MEIS1: variants seen among roughly 807,000 people sequenced by gnomAD.
The protein encoded by MEIS1 is Meis homeobox 1.
A neutral mutation model predicts 50.8 loss-of-function variants in MEIS1; 5 were observed. That is an observed-to-expected ratio of 0.10 (90% CI 0.05 to 0.21). MEIS1 has a LOEUF of 0.21. Among genes scored for constraint, MEIS1 ranks in the 10% least tolerant of loss-of-function variants. MEIS1 has a pLI of 1.00. For missense variants in MEIS1, 318 were observed against 517.3 expected, an observed-to-expected ratio of 0.61 and a Z score of 3.74; for synonymous variants, 176 against 179.3, an observed-to-expected ratio of 0.98 and a Z score of 0.15.
chr2:66,440,557 T>C lies in MEIS1; in HGVS notation c.382-5T>C. The C allele has an allele frequency of 1.2e-6, 2 of 1,612,230 alleles. No homozygotes were observed. The highest frequency in any genetic ancestry group is 1.7e-6 in the Non-Finnish European group (2 of 1,178,846). On this transcript the variant is annotated splice_polypyrimidine_tract_variant and splice_region_variant and intron_variant, in intron 3 of 12. Coordinates refer to ENST00000272369, the MANE Select transcript of MEIS1 (RefSeq NM_002398.3). ...CTCTCCCCTCTCCTTCTCACTTGTA[T>C]TTAGATTCGCGCAGAAAAACCTCTA... is the stretch of plus-strand genomic sequence containing the variant.
intron 7 of MEIS1, among the ~76,000 whole-genome samples, chr2:66,481,252 T>G (rs1673008538): frequency 6.6e-6 from 1 of 152,214 alleles, no homozygotes; most frequent in South Asian, 2.1e-4. Context: ...TTGTTTGTGG[T>G]TGGCTCTCTA....
intron 2 of MEIS1, among the ~76,000 whole-genome samples, 196 bp downstream of exon 2, chr2:66,438,159 ACATCCAGTGCCC>A (rs1423123122): frequency 3.3e-5 from 5 of 152,182 alleles, no homozygotes; most frequent in African/African-American, 1.2e-4. Context: ...CACTCTGTGC[ACATCCAGTGCCC>A]TGCTCCACCA....
chr2:66,535,834 A>G (rs1674504686), intron 8 of MEIS1, among the ~76,000 whole-genome samples: 1 of 152,190 alleles, frequency 6.6e-6, no homozygotes, highest in African/African-American at 2.4e-5. Context: ...TTGCAAGATA[A>G]GAGTTTTGTT....
At position 66,473,395 on chromosome 2, in the gene MEIS1, A is replaced by T. The variant is rs866569320; in HGVS notation, c.742+9175A>T. On this transcript the variant is annotated intron_variant, in intron 7 of 12. Transcript: ENST00000272369. ...CTCCATGTCAAAAAAAAAAAAAAAA[A>T]AAATATATATATATATATATATAGT... Among the ~76,000 whole-genome samples, 39 of 115,152 alleles carry T rather than the reference A, an allele frequency of 3.4e-4. 1 individual carries two copies. The highest frequency in any genetic ancestry group is 4.0e-3 in the Middle Eastern group (1 of 252). The allele number at this position is 115,152 out of a possible 152,430, so 75.5% of individuals were successfully genotyped here. A position where few individuals can be genotyped will look rare whatever the true frequency, so the allele number is the denominator to read the frequency against.
At chr2:66,558,279 C>CAAAAAAAAAAAAAAAAAAAAAAA (rs59017279) in intron 9 of MEIS1, among the ~76,000 whole-genome samples, 11 of 57,084 alleles carry the variant, frequency 1.9e-4, no homozygotes, top group East Asian at 5.7e-4. Flanking sequence ...AACTCCATCT[C>CAAAAAAAAAAAAAAAAAAAAAAA]AAAAAAAAAA....
chr2:66,483,718 C>T (rs1270938467), intron 7 of MEIS1, among the ~76,000 whole-genome samples: 3 of 152,176 alleles, frequency 2.0e-5, no homozygotes, highest in Non-Finnish European at 4.4e-5. Context: ...TCCTTCTATA[C>T]CACACATTAA....
At chr2:66,544,867 C>T (rs538224885) in intron 8 of MEIS1, among the ~76,000 whole-genome samples, 1 of 152,212 alleles carries the variant, frequency 6.6e-6, no homozygotes, top group South Asian at 2.1e-4. Flanking sequence ...GAAGAAACAA[C>T]TGAAATTTGC....
chr2:66,558,298 A>AG (rs1454830733), intron 9 of MEIS1, among the ~76,000 whole-genome samples: 2 of 145,870 alleles, frequency 1.4e-5, no homozygotes, highest in African/African-American at 2.5e-5. Context: ...AAAAAAAAAA[A>AG]AAAAAAGAAA....
At chr2:66,479,921 A>G (rs1331889873) in intron 7 of MEIS1, among the ~76,000 whole-genome samples, 1 of 151,998 alleles carries the variant, frequency 6.6e-6, no homozygotes. Flanking sequence ...GCTTTGGCTC[A>G]ATGCCACTGA....
chr2:66,565,951 T>G (rs1484077620), intron 9 of MEIS1, among the ~76,000 whole-genome samples: 1 of 152,220 alleles, frequency 6.6e-6, no homozygotes, highest in Non-Finnish European at 1.5e-5. Flanking sequence ...ACATGGTGTT[T>G]GTGCTACACC....
Position 66,572,019 on chromosome 2 carries a change from CT to C in MEIS1, c.*815del. The C allele has an allele frequency of 6.3e-6, 1 of 159,950 alleles. No individual in the cohort carries two copies. The allele number at this position is 159,950 out of a possible 1,614,324, so 9.9% of individuals were successfully genotyped here. ...GCGCGCGCTCTCTCTCTTTCTCTCTCTTTTCCTCTCTCTCCCTCTTTCTAGC... is the reference window on the plus strand; with the variant it reads ...GCGCGCGCTCTCTCTCTTTCTCTCTCTTTCCTCTCTCTCCCTCTTTCTAGC... On this transcript the variant is annotated 3_prime_UTR_variant, in exon 13 of 13. Coordinates refer to ENST00000272369, the MANE Select transcript of MEIS1 (RefSeq NM_002398.3).
intron 6 of MEIS1, among the ~76,000 whole-genome samples, chr2:66,449,998 T>A (rs1225506251): frequency 2.6e-5 from 4 of 152,152 alleles, no homozygotes; most frequent in Non-Finnish European, 5.9e-5. Flanking sequence ...TACAATCAAA[T>A]ACAAATTACA....
intron 8 of MEIS1, among the ~76,000 whole-genome samples, chr2:66,517,381 G>A (rs1673995700): frequency 6.6e-6 from 1 of 152,154 alleles, no homozygotes; most frequent in African/African-American, 2.4e-5. Context: ...ATTAAATTAA[G>A]AGCCTTGAAA....
At chr2:66,497,540 T>C (rs1299122651) in intron 7 of MEIS1, among the ~76,000 whole-genome samples, 1 of 152,200 alleles carries the variant, frequency 6.6e-6, no homozygotes, top group Non-Finnish European at 1.5e-5. Context: ...ATCTGAAAGA[T>C]ACTTTCTTAA....
chr2:66,469,973 G>A (rs1314681472), intron 7 of MEIS1, among the ~76,000 whole-genome samples: 1 of 151,424 alleles, frequency 6.6e-6, no homozygotes, highest in Non-Finnish European at 1.5e-5. Flanking sequence ...TTTTACAAAC[G>A]AAATGATAAC....
At chr2:66,497,088 C>T (rs1383447148) in intron 7 of MEIS1, among the ~76,000 whole-genome samples, 2 of 152,172 alleles carry the variant, frequency 1.3e-5, no homozygotes, top group Non-Finnish European at 2.9e-5. Context: ...ATGGGTCAGA[C>T]ATGTGCTGGC....
intron 9 of MEIS1, among the ~76,000 whole-genome samples, chr2:66,563,775 TG>T (rs1270894749): frequency 6.6e-6 from 1 of 152,082 alleles, no homozygotes. Flanking sequence ...AGAAGGAAAA[TG>T]TTTTTGTATC....
chr2:66,571,923 G>C lies in MEIS1; in HGVS notation c.*715G>C, dbSNP rs1215791471. On this transcript the variant is annotated 3_prime_UTR_variant, in exon 13 of 13. Transcript: ENST00000272369. ...TGCAAGGGACAGGAAGGTCTGATTT[G>C]CAGGATTTTTAGAGCATTAAAATAA... 1.2e-5 allele frequency: 2 copies of C among 173,000 alleles called. No homozygotes were observed. The highest frequency in any genetic ancestry group is 2.4e-5 in the African/African-American group (1 of 41,658). The allele number at this position is 173,000 out of a possible 1,614,324, so 10.7% of individuals were successfully genotyped here.
At chr2:66,477,165 G>A (rs889202287) in intron 7 of MEIS1, among the ~76,000 whole-genome samples, 1 of 152,156 alleles carries the variant, frequency 6.6e-6, no homozygotes, top group Non-Finnish European at 1.5e-5. Context: ...AAGTGAAGGA[G>A]GAATTGGAGC....
Sources: allele counts gnomAD v4.1 joint callset (sites outside exome capture counted in the v4.1 genomes callset), GRCh38; gene constraint gnomAD v4.1.1; transcripts MANE v1.5; gene names NCBI Gene and HGNC (gene_info 2026-07-23, HGNC 2026-07-21).